Variants in CACYBP observed in about 807,000 individuals in gnomAD.
The protein encoded by CACYBP is calcyclin binding protein, also known as calcyclin-binding protein.
A neutral mutation model predicts 29.6 loss-of-function variants in CACYBP; 11 were observed. That is an observed-to-expected ratio of 0.37 (90% CI 0.23 to 0.61). CACYBP has a LOEUF of 0.61. Ranked by LOEUF, CACYBP falls within the 20% of genes least tolerant of loss-of-function variation. The pLI, the probability that CACYBP is intolerant of heterozygous loss-of-function variation, is 0.65. For missense variants in CACYBP, 163 were observed against 260.7 expected, an observed-to-expected ratio of 0.63 and a Z score of 2.58; for synonymous variants, 73 against 88.3, an observed-to-expected ratio of 0.83 and a Z score of 0.97.
chr1:175,011,945 A>AT lies in CACYBP; in HGVS notation c.*1867dup, dbSNP rs1672767545. Among the ~76,000 whole-genome samples, 1 of 152,222 alleles carries AT rather than the reference A, an allele frequency of 6.6e-6. No homozygotes were observed. The highest frequency in any genetic ancestry group is 6.5e-5 in the Admixed American group (1 of 15,282). ...TGGTGAAACCCTGTCTCTACTGAAA[A>AT]TAAAAAAAACTAGCTGGGCATGGTG... is the stretch of plus-strand genomic sequence containing the variant. On this transcript the variant is annotated 3_prime_UTR_variant, in exon 6 of 6. Transcript: ENST00000367679.
At chr1:174,999,926 A>C (rs1321746070), upstream of CACYBP, 11 of 522,644 alleles carry the variant, frequency 2.1e-5, no homozygotes, top group African/African-American at 6.9e-5. Flanking sequence ...GAGGCGAGGA[A>C]GGGTGGGTGG....
intron 1 of CACYBP, among the ~76,000 whole-genome samples, chr1:175,002,338 G>A (rs998340927): frequency 6.6e-6 from 1 of 152,098 alleles, no homozygotes. Context: ...TGGGTGTGAA[G>A]TGGCATCTTG....
rs750475722 is a variant in CACYBP at position 175,007,139 on chromosome 1, A to C, written c.374A>C (p.Tyr125Ser). 8.7e-6 allele frequency: 14 copies of C among 1,611,938 alleles called. No homozygotes were observed. The highest frequency in any genetic ancestry group is 9.3e-6 in the Non-Finnish European group (11 of 1,178,472). The change falls in exon 4 of 6, where the codon TAC becomes TCC. Residue 125 changes from tyrosine (Y) to serine (S), a missense_variant. By Grantham distance (144) the Tyr-to-Ser change is moderately radical. Coordinates refer to ENST00000367679, the MANE Select transcript of CACYBP (RefSeq NM_014412.3). ...GTAAAGAATCTAAATGGGAAGAGTT[A>C]CTCCATGATTGTGAACAATCTCTTG... ...LLVKNLNGKS[Y>S]SMIVNNLLKP...
rs774091368 is a variant in CACYBP, at chr1:175,004,767, A to G, written c.169A>G (p.Asn57Asp). 3 of 1,613,960 alleles carry G rather than the reference A, an allele frequency of 1.9e-6. No homozygotes were observed. The highest frequency in any genetic ancestry group is 4.5e-5 in the East Asian group (2 of 44,874). The change falls in exon 2 of 6, where the codon AAT (asparagine) becomes GAT (aspartate). Residue 57 changes from asparagine to aspartate, a missense_variant. Physicochemically the swap from Asn to Asp is conservative, Grantham distance 23. Coordinates refer to ENST00000367679, the MANE Select transcript of CACYBP (RefSeq NM_014412.3). ...ACAGAAGAAAGCAGAACTTCTTGAT[A>G]ATGAAAAACCAGCTGCTGTGGTTGC... is the stretch of plus-strand genomic sequence containing the variant. ...KSQKKAELLD[N>D]EKPAAVVAPI...
rs768709873 is a variant in CACYBP at position 175,004,749 on chromosome 1, A to C, written c.151A>C (p.Lys51Gln). 4.3e-6 allele frequency: 7 copies of C among 1,614,002 alleles called. No homozygotes were observed. Among genetic ancestry groups the C allele is most frequent in the Non-Finnish European group, 5.9e-6 (7 of 1,179,842 alleles). ...KNKMQQKSQK[K>Q]AELLDNEKPA... ...CAAGATGCAACAGAAATCACAGAAG[A>C]AAGCAGAACTTCTTGATAATGAAAA... Residue 51 changes from lysine (K) to glutamine (Q), a missense_variant, in exon 2 of 6, where the codon AAA (lysine) becomes CAA (glutamine). Physicochemically the swap from Lys to Gln is moderately conservative, Grantham distance 53 (BLOSUM62 1). Coordinates refer to ENST00000367679, the MANE Select transcript of CACYBP (RefSeq NM_014412.3).
chr1:175,002,626 T>C (rs942598436), intron 1 of CACYBP, among the ~76,000 whole-genome samples: 1 of 152,218 alleles, frequency 6.6e-6, no homozygotes, highest in Non-Finnish European at 1.5e-5. Context: ...GATAGGAAAC[T>C]AGGACATCTT....
chr1:175,006,891 CCTTAT>C (rs780175150), intron 3 of CACYBP, 50 bp downstream of exon 3: 30 of 1,043,806 alleles, frequency 2.9e-5, no homozygotes, highest in Middle Eastern at 4.1e-4. Context: ...GTCAACATTG[CCTTAT>C]CTTGAGACTC....
chr1:175,004,670 A>G lies in CACYBP; in HGVS notation c.72A>G (p.Arg24=). Residue 24 remains arginine, a synonymous_variant, in exon 2 of 6, where the codon AGA becomes AGG. Transcript: ENST00000367679. ...TGCTGGAAAAGGCTACTAGGAAAAG[A>G]GTACGTGATGCCCTTACAGCTGAAA... The part of the protein sequence containing the change: ...KVLLEKATRK[R]VRDALTAEKS... 1 of 1,613,820 alleles carries G rather than the reference A, an allele frequency of 6.2e-7. No individual in the cohort carries two copies. The highest frequency in any genetic ancestry group is 8.5e-7 in the Non-Finnish European group (1 of 1,179,842).
At chr1:175,000,434 G>C (rs1490180620) in intron 1 of CACYBP, 4 of 1,386,344 alleles carry the variant, frequency 2.9e-6, no homozygotes, top group Non-Finnish European at 3.7e-6. Flanking sequence ...GGTGTGCGGC[G>C]ATTATCCGTG....
Position 175,004,660 on chromosome 1 carries a change from C to T in CACYBP, c.62C>T (p.Thr21Ile). ...GTAAAGGTGTTGCTGGAAAAGGCTA[C>T]TAGGAAAAGAGTACGTGATGCCCTT... is the stretch of plus-strand genomic sequence containing the variant. ...EEVKVLLEKA[T>I]RKRVRDALTA... The change falls in exon 2 of 6, where the codon ACT becomes ATT. Residue 21 changes from threonine to isoleucine, a missense_variant. Transcript: ENST00000367679. 1.2e-6 allele frequency: 2 copies of T among 1,612,686 alleles called. No homozygotes were observed. The highest frequency in any genetic ancestry group is 1.7e-6 in the Non-Finnish European group (2 of 1,179,520).
chr1:175,005,210 T>C (rs111897604), intron 2 of CACYBP, among the ~76,000 whole-genome samples: 1,893 of 152,304 alleles, frequency 0.012, 33 homozygotes, highest in African/African-American at 0.043. Context: ...GAAATATTTT[T>C]GAGCACCTAA....
chr1:175,001,842 A>G (rs902445165), intron 1 of CACYBP, among the ~76,000 whole-genome samples: 7 of 152,158 alleles, frequency 4.6e-5, no homozygotes, highest in Non-Finnish European at 7.3e-5. Context: ...CCCGGGTTCA[A>G]AGGATTCTCC....
At position 175,010,333 on chromosome 1, in the gene CACYBP, C is replaced by T. The variant is rs745376769; in HGVS notation, c.*254C>T. On this transcript the variant is annotated 3_prime_UTR_variant, in exon 6 of 6. Transcript: ENST00000367679. ...AAGGAAGGGTTATATTGCATTCTCA[C>T]GTGAAATATAAAAAGCAAGTCTTGC... 10 of 265,988 alleles carry T rather than the reference C, an allele frequency of 3.8e-5. No individual in the cohort carries two copies. Among genetic ancestry groups the T allele is most frequent in the South Asian group, 1.4e-4 (1 of 6,964 alleles). The allele number at this position is 265,988 out of a possible 1,614,324, so 16.5% of individuals were successfully genotyped here. A position where few individuals can be genotyped will look rare whatever the true frequency, so the allele number is the denominator to read the frequency against.
Position 175,000,129 on chromosome 1 carries a change from G to A in CACYBP, c.-52G>A. The A allele has an allele frequency of 2.5e-6, 4 of 1,582,354 alleles. No individual in the cohort carries two copies. The highest frequency in any genetic ancestry group is 3.4e-6 in the Non-Finnish European group (4 of 1,163,790). ...TTGAGGGCTCGGCGCGGGGTTTCCT[G>A]TTCCTCCTTCTGCGCGGCTGCAGCT... On this transcript the variant is annotated 5_prime_UTR_variant, in exon 1 of 6. Coordinates refer to ENST00000367679, the MANE Select transcript of CACYBP (RefSeq NM_014412.3).
At position 175,000,091 on chromosome 1, in the gene CACYBP, G is replaced by A; in HGVS notation, c.-90G>A. On this transcript the variant is annotated 5_prime_UTR_variant, in exon 1 of 6. Coordinates refer to ENST00000367679, the MANE Select transcript of CACYBP (RefSeq NM_014412.3). ...AGCGCCGCGACTCGTGCGGGTAGGC[G>A]TCTGCGCTCGGTTTGAGGGCTCGGC... The A allele has an allele frequency of 6.5e-7, 1 of 1,529,154 alleles. No individual in the cohort carries two copies. The highest frequency in any genetic ancestry group is 2.4e-5 in the East Asian group (1 of 40,852). 94.7% of individuals were successfully genotyped at this position (1,529,154 alleles called of 1,614,324 possible).
intron 1 of CACYBP, among the ~76,000 whole-genome samples, chr1:175,002,972 T>G (rs1418305138): frequency 5.0e-4 from 76 of 151,624 alleles, no homozygotes; most frequent in Admixed American, 5.0e-3. Flanking sequence ...AGCGTTTTTT[T>G]GAAACCATTA....
chr1:175,009,327 A>T (rs893882925), intron 5 of CACYBP, among the ~76,000 whole-genome samples: 11 of 152,192 alleles, frequency 7.2e-5, no homozygotes, highest in African/African-American at 2.7e-4. Context: ...CAAGTTAGAA[A>T]ATCAAATTCT....
At chr1:175,004,997 A>C (rs1212703341) in intron 2 of CACYBP, 164 bp downstream of exon 2, 1 of 674,298 alleles carries the variant, frequency 1.5e-6, no homozygotes, top group African/African-American at 1.8e-5. Context: ...ATAAATAGGA[A>C]AGGATGCGTT....
chr1:175,001,914 G>C (rs1574106926), intron 1 of CACYBP, among the ~76,000 whole-genome samples: 1 of 152,108 alleles, frequency 6.6e-6, no homozygotes, highest in African/African-American at 2.4e-5. Context: ...GCTAATTTTT[G>C]TATTTTTAGT....
Sources: allele counts gnomAD v4.1 joint callset (sites outside exome capture counted in the v4.1 genomes callset), GRCh38; gene constraint gnomAD v4.1.1; transcripts MANE v1.5; gene names NCBI Gene and HGNC (gene_info 2026-07-23, HGNC 2026-07-21).